The following RALYL variants were observed in gnomAD, a reference collection of about 807,000 sequenced individuals.
RALYL encodes RALY RNA binding protein like.
A neutral mutation model predicts 35.1 loss-of-function variants in RALYL; 29 were observed. The ratio of observed to expected loss-of-function variants is 0.83; its 90% CI spans 0.61 to 1.13. RALYL has a LOEUF of 1.13. Among genes scored for constraint, RALYL ranks in the 50% most tolerant of loss-of-function variants. The pLI, the probability that RALYL is intolerant of heterozygous loss-of-function variation, is 0.00. For synonymous variants in RALYL, 120 were observed against 127.6 expected (o/e 0.94, Z 0.40); for missense variants, 359 against 360.4 (o/e 1.00, Z 0.03).
chr8:84,606,057 A>C (rs2130811760), intron 2 of RALYL, among the ~76,000 whole-genome samples: 1 of 152,216 alleles, frequency 6.6e-6, no homozygotes, highest in Non-Finnish European at 1.5e-5. Flanking sequence ...CATGTTATTA[A>C]GATCACAGGA....
At chr8:84,425,307 G>A (rs1372249272) in intron 1 of RALYL, among the ~76,000 whole-genome samples, 5 of 152,024 alleles carry the variant, frequency 3.3e-5, no homozygotes, top group South Asian at 2.1e-4. Context: ...GGAGTGACCC[G>A]ATTTTCCAGG....
At chr8:84,671,798 G>A (rs1301219269) in intron 2 of RALYL, among the ~76,000 whole-genome samples, 1 of 152,186 alleles carries the variant, frequency 6.6e-6, no homozygotes, top group Non-Finnish European at 1.5e-5. Flanking sequence ...GATGGGAGGG[G>A]CTGCTGGAAG....
chr8:84,738,800 G>A (rs539271992), intron 2 of RALYL, among the ~76,000 whole-genome samples: 1 of 152,060 alleles, frequency 6.6e-6, no homozygotes, highest in East Asian at 1.9e-4. Flanking sequence ...ACATCAATGG[G>A]GAAGTACTAA....
intron 1 of RALYL, among the ~76,000 whole-genome samples, chr8:84,440,451 G>A (rs1431083986): frequency 1.3e-5 from 2 of 152,068 alleles, no homozygotes; most frequent in Non-Finnish European, 2.9e-5. Context: ...GGATTGATTT[G>A]GAGGGATTGA....
intron 1 of RALYL, among the ~76,000 whole-genome samples, chr8:84,366,442 G>A (rs894336718): frequency 4.6e-5 from 7 of 152,054 alleles, no homozygotes; most frequent in Admixed American, 3.9e-4. Flanking sequence ...CTGCAGTAGT[G>A]GGAGTGAAAA....
At chr8:84,725,728 T>C (rs904977122) in intron 2 of RALYL, among the ~76,000 whole-genome samples, 1 of 151,762 alleles carries the variant, frequency 6.6e-6, no homozygotes, top group African/African-American at 2.4e-5. Context: ...ACTACCAGAA[T>C]GCAGATAAAT....
rs1305538588 is a variant in RALYL at position 84,843,426 on chromosome 8, C to T, written c.366-6554C>T. Among the ~76,000 whole-genome samples, 6 of 152,238 alleles carry T rather than the reference C, an allele frequency of 3.9e-5. No homozygotes were observed. In the South Asian group the frequency reaches 1.0e-3, roughly 26 times the overall value. ...AACTTACAAGGGATATGAAGGACCT[C>T]TTCAAGGAGAACTACAAACCACTGC... is the stretch of plus-strand genomic sequence containing the variant. On this transcript the variant is annotated intron_variant, in intron 4 of 8. Transcript: ENST00000521268.
rs140814107 is a variant in RALYL at position 84,717,246 on chromosome 8, T to A, written c.257-57333T>A. 7.9e-5 allele frequency among the ~76,000 whole-genome samples: 12 copies of A among 152,268 alleles called. No individual in the cohort carries two copies. In the East Asian group the frequency reaches 1.9e-3, roughly 25 times the overall value. ...TCTCTTTTTGGTCTCTGAAAATGGG[T>A]CCCTGGAAATTAGAACCATATTAAG... On this transcript the variant is annotated intron_variant, in intron 2 of 8. Transcript: ENST00000521268.
intron 1 of RALYL, among the ~76,000 whole-genome samples, chr8:84,356,813 A>G (rs1167655986): frequency 6.7e-6 from 1 of 150,318 alleles, no homozygotes; most frequent in Non-Finnish European, 1.5e-5. Flanking sequence ...CTTTGTCATA[A>G]CACAGTAAAA....
At chr8:84,700,454 TA>T (rs1363624941) in intron 2 of RALYL, among the ~76,000 whole-genome samples, 1 of 152,028 alleles carries the variant, frequency 6.6e-6, no homozygotes, top group African/African-American at 2.4e-5. Context: ...TCCAGATACA[TA>T]AAAAAACTGA....
chr8:84,327,374 G>A (rs765362995), intron 1 of RALYL, among the ~76,000 whole-genome samples: 12 of 152,130 alleles, frequency 7.9e-5, no homozygotes, highest in Non-Finnish European at 1.5e-4. Context: ...CACAGTGGCA[G>A]CCTGTGGAGT....
intron 2 of RALYL, among the ~76,000 whole-genome samples, chr8:84,539,706 G>A (rs146181789): frequency 1.7e-3 from 251 of 151,636 alleles, no homozygotes; most frequent in African/African-American, 6.0e-3. Context: ...TATGGTATTT[G>A]ATAGTGAAAA....
chr8:84,546,280 C>T (rs998653489), intron 2 of RALYL, among the ~76,000 whole-genome samples: 1 of 152,032 alleles, frequency 6.6e-6, no homozygotes, highest in Non-Finnish European at 1.5e-5. Context: ...CCACCATGCC[C>T]AGCGAATTTT....
At chr8:84,354,895 G>T (rs1000736091) in intron 1 of RALYL, among the ~76,000 whole-genome samples, 2 of 150,256 alleles carry the variant, frequency 1.3e-5, no homozygotes, top group Non-Finnish European at 3.0e-5. Flanking sequence ...CTCTACCTGG[G>T]TAAATGTACC....
intron 1 of RALYL, among the ~76,000 whole-genome samples, chr8:84,369,412 C>T (rs1002333790): frequency 6.6e-6 from 1 of 151,894 alleles, no homozygotes. Flanking sequence ...TCAATAAATA[C>T]CTCAGACTGA....
chr8:84,917,850 A>G (rs1440377967), intron 8 of RALYL, among the ~76,000 whole-genome samples: 2 of 152,072 alleles, frequency 1.3e-5, no homozygotes, highest in African/African-American at 4.8e-5. Flanking sequence ...GTTTTAACTT[A>G]TGATGAACAG....
At chr8:84,787,436 G>C (rs148967629) in intron 3 of RALYL, among the ~76,000 whole-genome samples, 1,859 of 152,240 alleles carry the variant, frequency 0.012, 39 homozygotes, top group African/African-American at 0.041. Flanking sequence ...GGGCATTTGG[G>C]TTGGTTCCAA....
intron 1 of RALYL, among the ~76,000 whole-genome samples, chr8:84,508,908 C>G (rs544756852): frequency 6.6e-5 from 10 of 152,100 alleles, no homozygotes; most frequent in Middle Eastern, 6.8e-3. Context: ...TTAATTGTCA[C>G]TAGGTTTTTA....
intron 4 of RALYL, among the ~76,000 whole-genome samples, chr8:84,814,109 A>G (rs1826581844): frequency 6.6e-6 from 1 of 152,210 alleles, no homozygotes; most frequent in Non-Finnish European, 1.5e-5. Context: ...AATGGAGATT[A>G]AAAGATTTAG....
Sources: gnomAD v4.1 joint callset for allele counts (sites outside exome capture counted in the v4.1 genomes callset) on GRCh38, gnomAD v4.1.1 for gene constraint, MANE v1.5 for transcripts, NCBI Gene and HGNC (gene_info 2026-07-23, HGNC 2026-07-21) for gene names.